CBFA2T2: variants seen among roughly 807,000 people sequenced by gnomAD.
CBFA2T2 encodes protein CBFA2T2.
Under a neutral mutation model 62.2 loss-of-function variants are expected in CBFA2T2, and 11 were observed. The ratio of observed to expected loss-of-function variants is 0.18; its 90% confidence interval spans 0.11 to 0.29. The LOEUF (loss-of-function observed/expected upper bound fraction) is 0.29, where lower values mean the gene tolerates loss of function less well. CBFA2T2 is among the 10% of genes least tolerant of loss of function. The pLI, the probability that CBFA2T2 is intolerant of heterozygous loss-of-function variation, is 1.00. For synonymous variants in CBFA2T2, 295 were observed against 287.5 expected (o/e 1.03, Z -0.27); for missense variants, 592 against 774.1 (o/e 0.76, Z 2.79).
At chr20:33,579,140 G>A (rs1198826788) in intron 1 of CBFA2T2, among the ~76,000 whole-genome samples, 7 of 146,624 alleles carry the variant, frequency 4.8e-5, no homozygotes, top group Non-Finnish European at 7.4e-5. Flanking sequence ...TAAGGAAAGC[G>A]TCTCCTTCTG....
At chr20:33,490,770 G>A (rs756947620) in intron 1 of CBFA2T2, among the ~76,000 whole-genome samples, 16 of 152,314 alleles carry the variant, frequency 1.1e-4, no homozygotes, top group Non-Finnish European at 1.9e-4. Context: ...CATTTAGGTA[G>A]TGACCTTGGC....
At chr20:33,575,514 TTC>T (rs1353538523) in intron 1 of CBFA2T2, among the ~76,000 whole-genome samples, 1 of 152,198 alleles carries the variant, frequency 6.6e-6, no homozygotes, top group Non-Finnish European at 1.5e-5. Flanking sequence ...GCTTGGGAAG[TTC>T]TGTCTTAATA....
chr20:33,580,573 C>A (rs1328039308), intron 1 of CBFA2T2, among the ~76,000 whole-genome samples: 1 of 152,156 alleles, frequency 6.6e-6, no homozygotes, highest in Admixed American at 6.5e-5. Context: ...TGATAGGGGC[C>A]AGGCACGGTG....
At chr20:33,492,897 A>G (rs2011158652) in intron 1 of CBFA2T2, among the ~76,000 whole-genome samples, 1 of 151,898 alleles carries the variant, frequency 6.6e-6, no homozygotes, top group Non-Finnish European at 1.5e-5. Context: ...AGCTGGGATT[A>G]CAGGTGCTCA....
Position 33,562,495 on chromosome 20 carries a change from A to G in CBFA2T2, c.35-44461A>G, listed in dbSNP as rs1025065959. 3 of 985,784 alleles carry G rather than the reference A, an allele frequency of 3.0e-6. No individual in the cohort carries two copies. In the Admixed American group the frequency reaches 1.8e-4, roughly 61 times the overall value. The allele number at this position is 985,784 out of a possible 1,614,324, so 61.1% of individuals were successfully genotyped here. Reference sequence around the variant, plus strand: ...TGGAATGGGACAGGCAGCTCTAGTCAGTGAGAAATCGCAGATGTGAGAGAG... The same window carrying G: ...TGGAATGGGACAGGCAGCTCTAGTCGGTGAGAAATCGCAGATGTGAGAGAG... On this transcript the variant is annotated intron_variant, in intron 1 of 10. Transcript: ENST00000342704.
At chr20:33,512,688 G>T (rs1038585534) in intron 1 of CBFA2T2, among the ~76,000 whole-genome samples, 1 of 151,496 alleles carries the variant, frequency 6.6e-6, no homozygotes, top group African/African-American at 2.4e-5. Context: ...TCTAGTTTTG[G>T]ACTATTAGGA....
In CBFA2T2 at chr20:33,640,525, C is replaced by G. The variant is rs755759215; in HGVS notation, c.1482C>G (p.Ser494=). The G allele has an allele frequency of 1.2e-6, 2 of 1,614,050 alleles. No individual in the cohort carries two copies. The highest frequency in any genetic ancestry group is 1.7e-6 in the Non-Finnish European group (2 of 1,179,992). ...AFLVINEQEE[S]TENCWNCGRK... ...TCGTCATCAATGAGCAAGAGGAGTC[C>G]ACGGAGGTCAGAGCTCTGCGCCCTG... The change falls in exon 10 of 11, where the codon TCC becomes TCG. Residue 494 remains serine, a synonymous_variant. Coordinates refer to ENST00000342704, the MANE Select transcript of CBFA2T2 (RefSeq NM_001032999.3).
chr20:33,518,773 C>CAA (rs776181082), intron 1 of CBFA2T2, among the ~76,000 whole-genome samples: 9 of 126,874 alleles, frequency 7.1e-5, no homozygotes, highest in Non-Finnish European at 1.0e-4. Context: ...ACTCCTTCTC[C>CAA]AAAAAAAAAA....
intron 1 of CBFA2T2, among the ~76,000 whole-genome samples, chr20:33,524,242 A>AATCAAC (rs2011819674): frequency 6.6e-6 from 1 of 152,122 alleles, no homozygotes; most frequent in Non-Finnish European, 1.5e-5. Context: ...ATCTTAAGAA[A>AATCAAC]ATCAACACTG....
Position 33,596,921 on chromosome 20 carries a change from T to G in CBFA2T2, c.35-10035T>G, listed in dbSNP as rs954884871. ...CTCAAAATTGTTTCTTGACCTCTGTTTTTTTTTTTTTTTTTTCTTTCTTTT... is the reference window on the plus strand; with the variant it reads ...CTCAAAATTGTTTCTTGACCTCTGTGTTTTTTTTTTTTTTTTCTTTCTTTT... On this transcript the variant is annotated intron_variant, in intron 1 of 10. Coordinates refer to ENST00000342704, the MANE Select transcript of CBFA2T2 (RefSeq NM_001032999.3). 3.9e-4 allele frequency among the ~76,000 whole-genome samples: 25 copies of G among 63,322 alleles called. 1 individual carries two copies. The highest frequency in any genetic ancestry group is 7.3e-4 in the Non-Finnish European group (24 of 33,074). 41.5% of individuals were successfully genotyped at this position (63,322 alleles called of 152,430 possible).
intron 1 of CBFA2T2, among the ~76,000 whole-genome samples, chr20:33,599,281 G>A (rs765567682): frequency 2.0e-5 from 3 of 151,998 alleles, no homozygotes; most frequent in Non-Finnish European, 2.9e-5. Flanking sequence ...AAAACCTGTG[G>A]CCCACTGTCC....
intron 10 of CBFA2T2, 44 bp downstream of exon 10, chr20:33,640,575 G>T: frequency 1.3e-6 from 2 of 1,574,798 alleles, no homozygotes; most frequent in South Asian, 2.2e-5. Context: ...CAGCTGGAGT[G>T]ACCACGCCCG....
At chr20:33,592,925 G>C (rs2014726410) in intron 1 of CBFA2T2, among the ~76,000 whole-genome samples, 1 of 152,064 alleles carries the variant, frequency 6.6e-6, no homozygotes, top group South Asian at 2.1e-4. Flanking sequence ...TAGACTAATG[G>C]AGACATTATT....
intron 9 of CBFA2T2, among the ~76,000 whole-genome samples, chr20:33,637,530 A>T (rs1395554432): frequency 6.6e-6 from 1 of 152,230 alleles, no homozygotes; most frequent in Non-Finnish European, 1.5e-5. Context: ...AGCATATCTG[A>T]TAAATTAACC....
At chr20:33,551,880 T>C (rs1330774944) in intron 1 of CBFA2T2, among the ~76,000 whole-genome samples, 1 of 152,164 alleles carries the variant, frequency 6.6e-6, no homozygotes, top group East Asian at 1.9e-4. Context: ...GTTTAATTCT[T>C]GATTTTTTTT....
chr20:33,598,051 C>T (rs1475310520), intron 1 of CBFA2T2, among the ~76,000 whole-genome samples: 1 of 151,968 alleles, frequency 6.6e-6, no homozygotes, highest in African/African-American at 2.4e-5. Flanking sequence ...AGGGAGTGTG[C>T]GAATACGTGT....
At chr20:33,595,746 G>GAT (rs1568841590) in intron 1 of CBFA2T2, among the ~76,000 whole-genome samples, 2 of 151,376 alleles carry the variant, frequency 1.3e-5, no homozygotes, top group East Asian at 1.9e-4. Flanking sequence ...TGCCATGTTG[G>GAT]CCAGGCTGGT....
chr20:33,624,697 T>C (rs1779831161), intron 5 of CBFA2T2, 67 bp from the exon 6 acceptor site: 1 of 1,560,390 alleles, frequency 6.4e-7, no homozygotes, highest in Non-Finnish European at 8.8e-7. Context: ...ACATAGTAGG[T>C]TCTCAGGAAA....
chr20:33,592,457 A>T (rs541243315), intron 1 of CBFA2T2, among the ~76,000 whole-genome samples: 303 of 148,148 alleles, frequency 2.0e-3, no homozygotes, highest in Admixed American at 3.4e-3. Flanking sequence ...TATATATATA[A>T]AATTATGCTA....
Sources: allele counts gnomAD v4.1 joint callset (sites outside exome capture counted in the v4.1 genomes callset), GRCh38; gene constraint gnomAD v4.1.1; transcripts MANE v1.5; gene names NCBI Gene and HGNC (gene_info 2026-07-23, HGNC 2026-07-21).